The following SUCO variants were observed in gnomAD, a reference collection of about 807,000 sequenced individuals.
SUCO encodes SUN domain-containing ossification factor.
A neutral mutation model predicts 148.1 loss-of-function variants in SUCO; 57 were observed. The ratio of observed to expected loss-of-function variants is 0.38; its 90% CI spans 0.31 to 0.48. SUCO has a LOEUF of 0.48. SUCO is among the 20% of genes least tolerant of loss of function. SUCO has a pLI of 0.96. For missense variants in SUCO, 1,331 were observed against 1,468.2 expected (o/e 0.91, Z 1.53); for synonymous variants, 470 against 502.7 (o/e 0.93, Z 0.87).
At chr1:172,547,010 T>C (rs917863717) in intron 1 of SUCO, among the ~76,000 whole-genome samples, 2 of 152,212 alleles carry the variant, frequency 1.3e-5, no homozygotes, top group African/African-American at 2.4e-5. Flanking sequence ...CCTCAAGATA[T>C]AGAATATTCT....
At chr1:172,535,074 G>T (rs1651911627) in intron 1 of SUCO, among the ~76,000 whole-genome samples, 1 of 152,134 alleles carries the variant, frequency 6.6e-6, no homozygotes, top group South Asian at 2.1e-4. Flanking sequence ...GGAATTTCTG[G>T]CTATCTTTTG....
At chr1:172,532,817 A>C, upstream of SUCO, 1 of 1,591,040 alleles carries the variant, frequency 6.3e-7, no homozygotes, top group Non-Finnish European at 8.5e-7. Flanking sequence ...CTGTAAGGGG[A>C]AATGCTGAGG....
At chr1:172,532,675 C>A, upstream of SUCO, 1 of 1,614,044 alleles carries the variant, frequency 6.2e-7, no homozygotes, top group Non-Finnish European at 8.5e-7. Context: ...AGCAGCGAAA[C>A]TATAGACTTC....
rs771884822 is a variant in SUCO at position 172,551,619 on chromosome 1, A to T, written c.170A>T (p.Gln57Leu). 1 of 1,593,188 alleles carries T rather than the reference A, an allele frequency of 6.3e-7. No homozygotes were observed. Among genetic ancestry groups the T allele is most frequent in the Non-Finnish European group, 8.6e-7 (1 of 1,165,484 alleles). ...CALENEDVQF[Q>L]KKDEREGPIN... ...CTAGAAAATGAAGATGTACAATTCC[A>T]GAAAAAGGTGCCTTAAATAAAGTTA... Residue 57 changes from glutamine to leucine, a missense_variant, in exon 2 of 24, where the codon CAG becomes CTG. Transcript: ENST00000263688.
chr1:172,574,616 C>T (rs1201001606), intron 10 of SUCO, among the ~76,000 whole-genome samples: 26 of 151,926 alleles, frequency 1.7e-4, no homozygotes, highest in Admixed American at 1.7e-3. Flanking sequence ...ACTTTTACAT[C>T]CTGGAAATAC....
intron 9 of SUCO, among the ~76,000 whole-genome samples, chr1:172,572,655 T>C (rs1362920632): frequency 1.2e-4 from 14 of 120,986 alleles, no homozygotes; most frequent in Non-Finnish European, 2.2e-4. Flanking sequence ...CCTATGACCC[T>C]GCCAAATCCC....
chr1:172,546,805 A>C (rs1412065586), intron 1 of SUCO, among the ~76,000 whole-genome samples: 1 of 152,176 alleles, frequency 6.6e-6, no homozygotes, highest in Non-Finnish European at 1.5e-5. Flanking sequence ...GCTATTCTGG[A>C]GGCTGAGGTG....
At chr1:172,602,836 T>C (rs1202637335) in intron 22 of SUCO, 49 bp downstream of exon 22, 8 of 1,462,694 alleles carry the variant, frequency 5.5e-6, no homozygotes, top group Non-Finnish European at 7.6e-6. Flanking sequence ...TGAAACTAGC[T>C]TCTGGCATAA....
At chr1:172,583,856 A>AT (rs1656049772) in intron 15 of SUCO, among the ~76,000 whole-genome samples, 1 of 152,156 alleles carries the variant, frequency 6.6e-6, no homozygotes, top group South Asian at 2.1e-4. Context: ...TCCCAGTACC[A>AT]TTTTTTATGG....
intron 1 of SUCO, among the ~76,000 whole-genome samples, chr1:172,546,145 A>G (rs943844268): frequency 1.3e-5 from 2 of 152,122 alleles, no homozygotes; most frequent in Admixed American, 1.3e-4. Flanking sequence ...CTTGTTGCCC[A>G]GGCTGGTCTC....
chr1:172,555,303 C>T, intron 3 of SUCO: 1 of 732,016 alleles, frequency 1.4e-6, no homozygotes, highest in Non-Finnish European at 1.7e-6. Context: ...TAGGGTTGAT[C>T]TTGGAGGAGG....
At chr1:172,535,586 A>G (rs765494575) in intron 1 of SUCO, among the ~76,000 whole-genome samples, 3 of 152,196 alleles carry the variant, frequency 2.0e-5, no homozygotes, top group Non-Finnish European at 2.9e-5. Context: ...TTTCCCAACA[A>G]CCTCATTCCC....
intron 15 of SUCO, among the ~76,000 whole-genome samples, chr1:172,582,997 C>T (rs1484668269): frequency 3.9e-5 from 6 of 151,988 alleles, no homozygotes; most frequent in Non-Finnish European, 2.9e-5. Flanking sequence ...TCAAAAAATT[C>T]GAAATCTCAT....
At chr1:172,545,386 A>C (rs763435328) in intron 1 of SUCO, among the ~76,000 whole-genome samples, 7 of 152,204 alleles carry the variant, frequency 4.6e-5, no homozygotes, top group African/African-American at 1.2e-4. Flanking sequence ...TCCTATGTAG[A>C]ATATAAAGGG....
chr1:172,563,061 A>G (rs1654302000), intron 6 of SUCO, among the ~76,000 whole-genome samples: 1 of 152,082 alleles, frequency 6.6e-6, no homozygotes. Flanking sequence ...CTCCCTAACC[A>G]TGCTTCCTGT....
At chr1:172,584,825 T>G (rs1418059810) in intron 15 of SUCO, among the ~76,000 whole-genome samples, 193 bp from the exon 16 acceptor site, 1 of 152,218 alleles carries the variant, frequency 6.6e-6, no homozygotes, top group Admixed American at 6.5e-5. Context: ...ACATAAAAAT[T>G]TAGATACACA....
intron 1 of SUCO, 86 bp downstream of exon 1, chr1:172,533,583 CT>C: frequency 7.0e-7 from 1 of 1,429,060 alleles, no homozygotes. Flanking sequence ...GTCATTTTGG[CT>C]TTTAGGGTCC....
intron 6 of SUCO, among the ~76,000 whole-genome samples, chr1:172,563,401 A>G (rs967975026): frequency 2.6e-5 from 4 of 152,178 alleles, no homozygotes; most frequent in Admixed American, 2.6e-4. Context: ...TCAGATGGAG[A>G]TGAGGAACTC....
intron 1 of SUCO, among the ~76,000 whole-genome samples, chr1:172,540,083 G>A (rs1176518759): frequency 1.3e-5 from 2 of 152,184 alleles, no homozygotes; most frequent in Non-Finnish European, 2.9e-5. Context: ...CTGTATAGAT[G>A]TTTTAAGGCA....
Sources: allele counts gnomAD v4.1 joint callset (sites outside exome capture counted in the v4.1 genomes callset), GRCh38; gene constraint gnomAD v4.1.1; transcripts MANE v1.5; gene names NCBI Gene and HGNC (gene_info 2026-07-23, HGNC 2026-07-21).